Variants in FAM118B observed in about 807,000 individuals in gnomAD.
FAM118B encodes the protein SIR2 antiphage like 1, also known as protein FAM118B.
FAM118B carries 24 observed loss-of-function variants against 38.5 expected under a neutral mutation model. The ratio of observed to expected loss-of-function variants is 0.62; its 90% CI spans 0.45 to 0.88. The LOEUF (loss-of-function observed/expected upper bound fraction) is 0.88, where lower values mean the gene tolerates loss of function less well. Ranked by LOEUF, FAM118B falls within the 40% of genes least tolerant of loss-of-function variation. The probability of loss-of-function intolerance (pLI) is 0.00; values close to 1 mark genes in which losing one functional copy is unlikely to be tolerated. For missense variants in FAM118B, 334 were observed against 420.0 expected (o/e 0.80, Z 1.79); for synonymous variants, 138 against 156.3 (o/e 0.88, Z 0.87).
intron 1 of FAM118B, among the ~76,000 whole-genome samples, chr11:126,213,286 G>A (rs1949916075): frequency 6.6e-6 from 1 of 152,198 alleles, no homozygotes; most frequent in Non-Finnish European, 1.5e-5. Flanking sequence ...AGAGGAAGAT[G>A]TATTTGTAAA....
intron 6 of FAM118B, 74 bp downstream of exon 6, chr11:126,254,507 A>G: frequency 6.4e-7 from 1 of 1,568,970 alleles, no homozygotes; most frequent in South Asian, 1.1e-5. Flanking sequence ...ATAGATCTTA[A>G]AGGGGAACAT....
chr11:126,226,949 C>A (rs1327926530), intron 1 of FAM118B, among the ~76,000 whole-genome samples: 9 of 53,670 alleles, frequency 1.7e-4, no homozygotes, highest in African/African-American at 5.3e-4. Context: ...GAGACCCCGT[C>A]CAAAAAAAAA....
intron 4 of FAM118B, among the ~76,000 whole-genome samples, chr11:126,242,851 C>G (rs1950375644): frequency 1.3e-5 from 2 of 152,310 alleles, no homozygotes; most frequent in South Asian, 2.1e-4. Flanking sequence ...TATGAACCAG[C>G]AACTGCACTC....
chr11:126,225,490 G>A (rs1367129743), intron 1 of FAM118B, among the ~76,000 whole-genome samples: 1 of 152,210 alleles, frequency 6.6e-6, no homozygotes, highest in East Asian at 1.9e-4. Context: ...AGTTTCTCCA[G>A]TGAGATCGCT....
intron 7 of FAM118B, chr11:126,260,371 TC>T (rs1194796975): frequency 2.0e-5 from 3 of 149,910 alleles, no homozygotes; most frequent in African/African-American, 7.5e-5. Context: ...GTGCTTTTTT[TC>T]ATAGTTGTAA....
chr11:126,254,486 C>T, intron 6 of FAM118B, 53 bp downstream of exon 6: 1 of 1,603,884 alleles, frequency 6.2e-7, no homozygotes, highest in Middle Eastern at 1.7e-4. Context: ...GGAAATCTCT[C>T]TAAATATGCC....
chr11:126,238,192 T>A (rs1387492071), intron 3 of FAM118B, among the ~76,000 whole-genome samples: 1 of 151,600 alleles, frequency 6.6e-6, no homozygotes, highest in Non-Finnish European at 1.5e-5. Context: ...TGAAACCCCG[T>A]CTCTACTAAA....
intron 1 of FAM118B, chr11:126,214,617 A>G (rs1335344987): frequency 6.9e-6 from 1 of 144,972 alleles, no homozygotes; most frequent in Non-Finnish European, 1.5e-5. Context: ...GTCACAGTCC[A>G]TTTGTTGGGA....
chr11:126,222,569 T>C (rs1359021305), intron 1 of FAM118B, among the ~76,000 whole-genome samples: 2 of 152,196 alleles, frequency 1.3e-5, no homozygotes, highest in African/African-American at 2.4e-5. Context: ...AAAAACAACC[T>C]CCAAAGCAGG....
chr11:126,220,895 G>A (rs1234545964), intron 1 of FAM118B, among the ~76,000 whole-genome samples: 1 of 151,694 alleles, frequency 6.6e-6, no homozygotes, highest in Non-Finnish European at 1.5e-5. Context: ...TCAGATCAAA[G>A]AGAATAGTAG....
chr11:126,239,921 A>G (rs551417243), intron 3 of FAM118B, among the ~76,000 whole-genome samples: 22 of 152,322 alleles, frequency 1.4e-4, no homozygotes, highest in Non-Finnish European at 2.9e-4. Flanking sequence ...TGAAAGTGCT[A>G]TTCCTTTCTT....
At chr11:126,229,700 C>T (rs1950184885) in intron 2 of FAM118B, among the ~76,000 whole-genome samples, 1 of 152,216 alleles carries the variant, frequency 6.6e-6, no homozygotes, top group Non-Finnish European at 1.5e-5. Flanking sequence ...CTCGGTCTCC[C>T]ATAATGCTGG....
intron 3 of FAM118B, among the ~76,000 whole-genome samples, chr11:126,238,773 C>G (rs1247463705): frequency 6.6e-6 from 1 of 152,088 alleles, no homozygotes; most frequent in Admixed American, 6.6e-5. Flanking sequence ...TCCCAAAATT[C>G]TACCAAGGGA....
In FAM118B at chr11:126,233,756, T is replaced by C. The variant is rs765296845; in HGVS notation, c.-7-1239T>C. 8.1e-4 allele frequency: 368 copies of C among 456,118 alleles called. 1 individual carries two copies. Among genetic ancestry groups the C allele is most frequent in the Non-Finnish European group, 1.2e-3 (274 of 226,872 alleles). The allele number at this position is 456,118 out of a possible 1,614,324, so 28.3% of individuals were successfully genotyped here. A position where few individuals can be genotyped will look rare whatever the true frequency, so the allele number is the denominator to read the frequency against. On this transcript the variant is annotated intron_variant, in intron 2 of 8. Coordinates refer to ENST00000533050, the MANE Select transcript of FAM118B (RefSeq NM_024556.4). ...TGAGCCTTCTGTTTACCACAAAAAA[T>C]TAATTCAGAAACTTAGTGTTTTAAT...
chr11:126,259,005 C>T (rs1012071624), intron 7 of FAM118B, among the ~76,000 whole-genome samples: 1 of 152,024 alleles, frequency 6.6e-6, no homozygotes, highest in Non-Finnish European at 1.5e-5. Context: ...CCGAAGTTAC[C>T]CATCATTAAG....
At position 126,252,993 on chromosome 11, in the gene FAM118B, C is replaced by T. The variant is rs968992080; in HGVS notation, c.568-1312C>T. On this transcript the variant is annotated intron_variant, in intron 5 of 8. Transcript: ENST00000533050. This position sits in a 1 kb window ranked among gnomAD's most constrained non-coding sequence, Gnocchi z 4.7. The stretch of plus-strand genomic sequence containing the variant: ...GAGGTTTCAGTGAGCCAAGATTGCG[C>T]CACTGTGCTCCAATCTGGGCAACAG... Among the ~76,000 whole-genome samples, 1 of 152,186 alleles carries T rather than the reference C, an allele frequency of 6.6e-6. No individual in the cohort carries two copies. Among genetic ancestry groups the T allele is most frequent in the African/African-American group, 2.4e-5 (1 of 41,456 alleles).
At chr11:126,245,339 C>T (rs751491297) in intron 4 of FAM118B, 12 of 151,720 alleles carry the variant, frequency 7.9e-5, no homozygotes, top group African/African-American at 2.4e-4. Flanking sequence ...TAGCCAAGAC[C>T]GTCTTGAAAA....
rs1485047053 is a variant in FAM118B, at chr11:126,244,197, T to C, written c.339+3153T>C. 2.6e-5 allele frequency among the ~76,000 whole-genome samples: 4 copies of C among 152,200 alleles called. No individual in the cohort carries two copies. The highest frequency in any genetic ancestry group is 5.9e-5 in the Non-Finnish European group (4 of 68,034). ...AGATCAGCAGCAAGACAAGGCTGTTTTCCCACTCCACTCCTGTCCAACATG... is the reference window on the plus strand; with the variant it reads ...AGATCAGCAGCAAGACAAGGCTGTTCTCCCACTCCACTCCTGTCCAACATG... On this transcript the variant is annotated intron_variant, in intron 4 of 8. Coordinates refer to ENST00000533050, the MANE Select transcript of FAM118B (RefSeq NM_024556.4). The surrounding 1 kb of genome is among the most constrained non-coding windows in gnomAD (Gnocchi z 4.5).
At chr11:126,258,246 G>C (rs1950611562) in intron 7 of FAM118B, among the ~76,000 whole-genome samples, 1 of 152,154 alleles carries the variant, frequency 6.6e-6, no homozygotes. Flanking sequence ...AAATTAGCCA[G>C]GTGTGGTGGC....
Sources: gnomAD v4.1 joint callset for allele counts (sites outside exome capture counted in the v4.1 genomes callset) on GRCh38, gnomAD v4.1.1 for gene constraint, Gnocchi (gnomAD v3.1) non-coding constraint, MANE v1.5 for transcripts, NCBI Gene and HGNC (gene_info 2026-07-23, HGNC 2026-07-21) for gene names.